The following RBMS3 variants were observed in gnomAD, a reference collection of about 807,000 sequenced individuals.
The protein encoded by RBMS3 is RNA binding motif single stranded interacting protein 3, also known as RNA-binding motif, single-stranded-interacting protein 3.
In RBMS3, 27 loss-of-function variants were observed where a neutral mutation model predicts 66.8. The observed-to-expected ratio is 0.40, with a 90% CI of 0.30 to 0.56. RBMS3 has a LOEUF of 0.56. Among genes scored for constraint, RBMS3 ranks in the 20% least tolerant of loss-of-function variants. The pLI, the probability that RBMS3 is intolerant of heterozygous loss-of-function variation, is 0.40. For missense variants in RBMS3, 513 were observed against 549.5 expected (o/e 0.93, Z 0.66); for synonymous variants, 188 against 183.0 (o/e 1.03, Z -0.22).
intron 2 of RBMS3, among the ~76,000 whole-genome samples, chr3:29,453,283 A>T (rs143623149): frequency 7.2e-4 from 110 of 152,304 alleles, no homozygotes; most frequent in African/African-American, 2.4e-3. Context: ...ACTGGGACTT[A>T]GGGCTTCCAC....
At chr3:29,553,964 C>A (rs566065580) in intron 3 of RBMS3, among the ~76,000 whole-genome samples, 1 of 152,204 alleles carries the variant, frequency 6.6e-6, no homozygotes, top group South Asian at 2.1e-4. Flanking sequence ...ATTACTGTAA[C>A]CTTCTTCCAA....
chr3:29,720,562 T>C (rs6792912), intron 4 of RBMS3, among the ~76,000 whole-genome samples: 55,152 of 151,864 alleles, frequency 0.36, 10,596 homozygotes, highest in African/African-American at 0.5. Flanking sequence ...CTAAATAATA[T>C]GTTAAATGCT....
chr3:29,685,635 A>G lies in RBMS3; in HGVS notation c.400-54085A>G, dbSNP rs377727989. Among the ~76,000 whole-genome samples the G allele has an allele frequency of 3.3e-5, 5 of 152,314 alleles. No individual in the cohort carries two copies. The East Asian group carries it at 5.8e-4, about 18-fold the overall frequency. ...ACAAAGAGGTATATACTTATTAGAA[A>G]GAAATCACTTGCTTAAACAATAGGC... On this transcript the variant is annotated intron_variant, in intron 4 of 14. Coordinates refer to ENST00000383767, the MANE Select transcript of RBMS3 (RefSeq NM_001003793.3).
intron 3 of RBMS3, among the ~76,000 whole-genome samples, chr3:29,505,791 A>G (rs184434068): frequency 6.6e-6 from 1 of 151,212 alleles, no homozygotes; most frequent in African/African-American, 2.4e-5. Context: ...CAGGCCTTTC[A>G]TCTCCTTGGT....
chr3:29,973,669 T>G lies in RBMS3; in HGVS notation c.1099-14474T>G, dbSNP rs559762287. Among the ~76,000 whole-genome samples the G allele has an allele frequency of 4.6e-5, 7 of 152,118 alleles. No homozygotes were observed. The South Asian group carries it at 1.2e-3, about 27-fold the overall frequency. On this transcript the variant is annotated intron_variant, in intron 12 of 14. Transcript: ENST00000383767. Reference sequence around the variant, plus strand: ...AAAACAACACTTTGGCCTCTCAATTTCCTGAGCTCCTCACTTCTGGTGACC... The same window carrying G: ...AAAACAACACTTTGGCCTCTCAATTGCCTGAGCTCCTCACTTCTGGTGACC...
intron 4 of RBMS3, among the ~76,000 whole-genome samples, chr3:29,726,124 T>C (rs1333392270): frequency 6.6e-6 from 1 of 152,114 alleles, no homozygotes; most frequent in Non-Finnish European, 1.5e-5. Context: ...ATTATCCCAA[T>C]AGATGCAGAA....
chr3:29,808,485 G>A (rs576767547), intron 6 of RBMS3, among the ~76,000 whole-genome samples: 133 of 152,110 alleles, frequency 8.7e-4, no homozygotes, highest in African/African-American at 3.1e-3. Context: ...GAAACAGAGT[G>A]CTAAAATAAG....
intron 2 of RBMS3, among the ~76,000 whole-genome samples, chr3:29,484,858 A>G (rs2043263769): frequency 6.6e-6 from 1 of 152,216 alleles, no homozygotes; most frequent in African/African-American, 2.4e-5. Flanking sequence ...CATTAAATAA[A>G]TGTGATACCT....
At chr3:29,322,508 G>A (rs996834410) in intron 1 of RBMS3, among the ~76,000 whole-genome samples, 2 of 151,794 alleles carry the variant, frequency 1.3e-5, no homozygotes, top group African/African-American at 2.4e-5. Context: ...AAAATAAAGT[G>A]TACATTTTAT....
At chr3:29,632,352 G>C (rs1174834428) in intron 4 of RBMS3, among the ~76,000 whole-genome samples, 1 of 151,884 alleles carries the variant, frequency 6.6e-6, no homozygotes, top group African/African-American at 2.4e-5. Flanking sequence ...GTCCTAGGGG[G>C]AGAAGAGAGT....
chr3:29,544,898 G>A (rs6780035), intron 3 of RBMS3, among the ~76,000 whole-genome samples: 41,306 of 152,014 alleles, frequency 0.27, 8,167 homozygotes, highest in African/African-American at 0.55. Flanking sequence ...TGCTAATAAA[G>A]GTGTTAGCTG....
intron 4 of RBMS3, chr3:29,616,012 T>C (rs1040233239): frequency 6.6e-6 from 1 of 152,148 alleles, no homozygotes; most frequent in Non-Finnish European, 1.5e-5. Context: ...TGAGCAATTA[T>C]AGAAGCCACT....
At chr3:29,328,090 A>T (rs1272191906) in intron 1 of RBMS3, among the ~76,000 whole-genome samples, 4 of 152,178 alleles carry the variant, frequency 2.6e-5, no homozygotes, top group Non-Finnish European at 5.9e-5. Context: ...TAACATCATT[A>T]TGTCTTGCTA....
At chr3:29,308,683 C>A (rs1575513487) in intron 1 of RBMS3, among the ~76,000 whole-genome samples, 1 of 131,156 alleles carries the variant, frequency 7.6e-6, no homozygotes. Context: ...ATGGTATGGC[C>A]AAAGGTCTGG....
intron 3 of RBMS3, among the ~76,000 whole-genome samples, chr3:29,542,848 A>G (rs2045816123): frequency 6.6e-6 from 1 of 152,206 alleles, no homozygotes; most frequent in Non-Finnish European, 1.5e-5. Flanking sequence ...TGCTTTTTGT[A>G]AAAAGATCAG....
At chr3:29,812,834 A>T (rs1290824100) in intron 6 of RBMS3, among the ~76,000 whole-genome samples, 1 of 152,264 alleles carries the variant, frequency 6.6e-6, no homozygotes, top group African/African-American at 2.4e-5. Flanking sequence ...GTTCAATGAG[A>T]TGGTAGAACA....
At chr3:29,454,876 A>C (rs1277319184) in intron 2 of RBMS3, among the ~76,000 whole-genome samples, 1 of 152,092 alleles carries the variant, frequency 6.6e-6, no homozygotes, top group African/African-American at 2.4e-5. Context: ...AAATTCTATT[A>C]GTAGTTTAAT....
intron 6 of RBMS3, among the ~76,000 whole-genome samples, chr3:29,813,454 G>C (rs550156669): frequency 1.3e-5 from 2 of 152,054 alleles, no homozygotes; most frequent in Non-Finnish European, 2.9e-5. Context: ...GATTGACTTG[G>C]CGATGCGGGC....
intron 3 of RBMS3, among the ~76,000 whole-genome samples, chr3:29,585,867 T>G (rs2047501382): frequency 6.6e-6 from 1 of 152,096 alleles, no homozygotes. Context: ...CATTTTACAG[T>G]ACACTGCTGT....
Sources: allele counts gnomAD v4.1 joint callset (sites outside exome capture counted in the v4.1 genomes callset), GRCh38; gene constraint gnomAD v4.1.1; transcripts MANE v1.5; gene names NCBI Gene and HGNC (gene_info 2026-07-23, HGNC 2026-07-21).